KCNQ2: variants seen among roughly 807,000 people sequenced by gnomAD.
KCNQ2 encodes potassium voltage-gated channel subfamily KQT member 2.
Under a neutral mutation model 84.8 loss-of-function variants are expected in KCNQ2, and 14 were observed. That is an observed-to-expected ratio of 0.17 (90% CI 0.11 to 0.26). The LOEUF (loss-of-function observed/expected upper bound fraction) is 0.26, where lower values mean the gene tolerates loss of function less well. Among genes scored for constraint, KCNQ2 ranks in the 10% least tolerant of loss-of-function variants. The pLI is 1.00. For synonymous variants in KCNQ2, 599 were observed against 554.1 expected (o/e 1.08, Z -1.14); for missense variants, 788 against 1,254.0 (o/e 0.63, Z 5.61).
intron 1 of KCNQ2, among the ~76,000 whole-genome samples, chr20:63,464,849 C>T (rs1438220826): frequency 6.6e-6 from 1 of 152,208 alleles, no homozygotes; most frequent in Non-Finnish European, 1.5e-5. Context: ...AGGGGGTCTC[C>T]CCTGTCCTTG....
intron 1 of KCNQ2, among the ~76,000 whole-genome samples, chr20:63,450,986 A>G (rs1266771336): frequency 6.6e-6 from 1 of 151,960 alleles, no homozygotes; most frequent in Admixed American, 6.6e-5. Flanking sequence ...AAAAATACAA[A>G]AATTAGCCAG....
rs2079810916 is a variant in KCNQ2 at position 63,401,643 on chromosome 20, C to T, written c.*5001G>A. On this transcript the variant is annotated 3_prime_UTR_variant, in exon 17 of 17. Coordinates refer to ENST00000359125, the MANE Select transcript of KCNQ2 (RefSeq NM_172107.4). ...CAGGCCTCTTCACGCCACCCCCATGCCCTGGACATACGTGCATGTGACCTG... is the reference window on the plus strand; with the variant it reads ...CAGGCCTCTTCACGCCACCCCCATGTCCTGGACATACGTGCATGTGACCTG... 1 of 156,610 alleles carries T rather than the reference C, an allele frequency of 6.4e-6. No homozygotes were observed. The highest frequency in any genetic ancestry group is 1.4e-5 in the Non-Finnish European group (1 of 70,906). The allele number at this position is 156,610 out of a possible 1,614,324, so 9.7% of individuals were successfully genotyped here. A position where few individuals can be genotyped will look rare whatever the true frequency, so the allele number is the denominator to read the frequency against.
intron 6 of KCNQ2, among the ~76,000 whole-genome samples, 191 bp downstream of exon 6, chr20:63,439,407 C>T (rs2081093207): frequency 6.6e-6 from 1 of 152,222 alleles, no homozygotes; most frequent in South Asian, 2.1e-4. Flanking sequence ...GGGGAACCCC[C>T]ACTCCAGTCC....
intron 12 of KCNQ2, among the ~76,000 whole-genome samples, chr20:63,417,681 C>A (rs1025162419): frequency 1.3e-5 from 2 of 152,256 alleles, no homozygotes; most frequent in Non-Finnish European, 2.9e-5. Context: ...AAGGGTCAGG[C>A]CCCACAGTCC....
intron 15 of KCNQ2, chr20:63,409,881 T>C (rs1601553938): frequency 1.6e-5 from 1 of 64,348 alleles, no homozygotes; most frequent in East Asian, 5.7e-4. Flanking sequence ...CTGCCTCTGA[T>C]GGGGGCGGGA....
chr20:63,435,057 G>C (rs1189992077), intron 7 of KCNQ2, among the ~76,000 whole-genome samples: 1 of 152,128 alleles, frequency 6.6e-6, no homozygotes, highest in African/African-American at 2.4e-5. Context: ...TACCAGCAGG[G>C]GGGGCGGTGT....
Position 63,424,478 on chromosome 20 carries a change from C to A in KCNQ2, c.1218-272G>T, listed in dbSNP as rs999863624. ...GCTCTTCTGACCTGGGGGTCTCTAC[C>A]CCTCCACATTTACAGACACTCATTT... On this transcript the variant is annotated intron_variant, in intron 10 of 16. Transcript: ENST00000359125. 5.8e-5 allele frequency: 32 copies of A among 547,852 alleles called. No homozygotes were observed. The East Asian group carries it at 8.9e-4, about 15-fold the overall frequency. The allele number at this position is 547,852 out of a possible 1,614,324, so 33.9% of individuals were successfully genotyped here.
chr20:63,416,033 C>T (rs909969435), intron 12 of KCNQ2, among the ~76,000 whole-genome samples: 6 of 152,090 alleles, frequency 3.9e-5, no homozygotes, highest in Non-Finnish European at 8.8e-5. Flanking sequence ...GGGCTCAGGC[C>T]TCCCCTGTCA....
chr20:63,442,583 C>T (rs760708361), intron 4 of KCNQ2, 52 bp from the exon 5 acceptor site: 2 of 1,595,138 alleles, frequency 1.3e-6, no homozygotes, highest in Admixed American at 1.7e-5. Flanking sequence ...GAAGCATCAC[C>T]ATCACCACCA....
chr20:63,464,334 G>A (rs529975181), intron 1 of KCNQ2, among the ~76,000 whole-genome samples: 193 of 152,014 alleles, frequency 1.3e-3, no homozygotes, highest in African/African-American at 4.3e-3. Context: ...TGGAGGGGCC[G>A]CCAAGTGCCC....
Position 63,408,131 on chromosome 20 carries a change from A to G in KCNQ2, c.1887+282T>C. Reference sequence around the variant, plus strand: ...CAACTTCCGGCACGTTCCACAAGGAACCCCTGAGGGATCCACCTCTCAGCA... The same window carrying G: ...CAACTTCCGGCACGTTCCACAAGGAGCCCCTGAGGGATCCACCTCTCAGCA... On this transcript the variant is annotated intron_variant, in intron 16 of 16. Transcript: ENST00000359125. This position sits in a 1 kb window ranked among gnomAD's most constrained non-coding sequence, Gnocchi z 5.0. The G allele has an allele frequency of 2.2e-6, 1 of 457,840 alleles. No individual in the cohort carries two copies. The highest frequency in any genetic ancestry group is 4.0e-6 in the Non-Finnish European group (1 of 247,346). 28.4% of individuals were successfully genotyped at this position (457,840 alleles called of 1,614,324 possible). A position where few individuals can be genotyped will look rare whatever the true frequency, so the allele number is the denominator to read the frequency against.
At chr20:63,445,505 C>CCCAAAGGGCT in intron 2 of KCNQ2, 141 bp from the exon 3 acceptor site, 1 of 850,902 alleles carries the variant, frequency 1.2e-6, no homozygotes, top group Non-Finnish European at 1.8e-6. Context: ...AAGCTGACCC[C>CCCAAAGGGCT]CCCACCCCTC....
intron 15 of KCNQ2, 140 bp downstream of exon 15, chr20:63,413,310 A>G: frequency 1.1e-6 from 1 of 875,182 alleles, no homozygotes; most frequent in Non-Finnish European, 1.8e-6. Context: ...GACACAACAG[A>G]AGCTGACAGA....
intron 1 of KCNQ2, among the ~76,000 whole-genome samples, chr20:63,463,055 C>CTGTG (rs10532345): frequency 0.022 from 3,255 of 147,990 alleles, 54 homozygotes; most frequent in African/African-American, 0.037. Context: ...GGTGTCTTTT[C>CTGTG]TGTGTGTGTG....
At chr20:63,422,814 G>A (rs1019897035) in intron 11 of KCNQ2, 7 of 152,304 alleles carry the variant, frequency 4.6e-5, no homozygotes, top group African/African-American at 1.4e-4. Flanking sequence ...CTGGGGCAGC[G>A]AGCACGAGGG....
At chr20:63,417,097 C>G (rs376393685) in intron 12 of KCNQ2, among the ~76,000 whole-genome samples, 1 of 152,334 alleles carries the variant, frequency 6.6e-6, no homozygotes, top group Admixed American at 6.5e-5. Flanking sequence ...GTCCACACCC[C>G]TGCACTGCCT....
At chr20:63,416,952 A>G (rs1267904736) in intron 12 of KCNQ2, among the ~76,000 whole-genome samples, 1 of 152,104 alleles carries the variant, frequency 6.6e-6, no homozygotes, top group African/African-American at 2.4e-5. Flanking sequence ...TGAGAGAAAG[A>G]AAGAAGCCCC....
At position 63,446,739 on chromosome 20, in the gene KCNQ2, G is replaced by T. The variant is rs1465735780; in HGVS notation, c.387+8C>A. On this transcript the variant is annotated splice_region_variant and intron_variant, in intron 2 of 16. Transcript: ENST00000359125. This position sits in a 1 kb window ranked among gnomAD's most constrained non-coding sequence, Gnocchi z 5.5. ...CACTTCCAGCCCCCGCCCTCCCTCG[G>T]GGCTCACCAGGATGTAGAGGGCCCC... The T allele has an allele frequency of 1.2e-6, 2 of 1,611,610 alleles. No homozygotes were observed. Among genetic ancestry groups the T allele is most frequent in the Non-Finnish European group, 1.7e-6 (2 of 1,178,352 alleles).
chr20:63,413,175 ACACACACACATG>A (rs1345308335), intron 15 of KCNQ2: 5 of 504,970 alleles, frequency 9.9e-6, no homozygotes, highest in Admixed American at 6.6e-5. Context: ...CGTGACTTAC[ACACACACACATG>A]CACACACACA....
Sources: gnomAD v4.1 joint callset for allele counts (sites outside exome capture counted in the v4.1 genomes callset) on GRCh38, gnomAD v4.1.1 for gene constraint, Gnocchi (gnomAD v3.1) non-coding constraint, MANE v1.5 for transcripts, NCBI Gene and HGNC (gene_info 2026-07-23, HGNC 2026-07-21) for gene names.